The following FTCDNL1 variants were observed in gnomAD, a reference collection of about 807,000 sequenced individuals.
FTCDNL1 encodes formiminotransferase N-terminal subdomain-containing protein.
A neutral mutation model predicts 5.9 loss-of-function variants in FTCDNL1; 11 were observed. That is an observed-to-expected ratio of 1.87 (90% CI 1.18 to 3.10). The LOEUF (loss-of-function observed/expected upper bound fraction) is 3.10. Ranked by LOEUF, FTCDNL1 falls within the 30% of genes most tolerant of loss-of-function variation. The pLI is 0.00. For missense variants in FTCDNL1, 115 were observed against 65.5 expected, an observed-to-expected ratio of 1.76 and a Z score of -2.61; for synonymous variants, 58 against 24.8, an observed-to-expected ratio of 2.34 and a Z score of -3.99.
chr2:199,843,726 CT>C (rs1182470380), intron 3 of FTCDNL1, among the ~76,000 whole-genome samples: 2 of 152,104 alleles, frequency 1.3e-5, no homozygotes, highest in East Asian at 1.9e-4. Flanking sequence ...CCTAAGGCGG[CT>C]TTTTTTCCCC....
At chr2:199,776,978 G>A (rs1379401829) in intron 3 of FTCDNL1, among the ~76,000 whole-genome samples, 2 of 150,610 alleles carry the variant, frequency 1.3e-5, no homozygotes, top group Admixed American at 6.6e-5. Context: ...GTGTGTGTGT[G>A]TGTGTGTGTG....
chr2:199,825,453 G>C (rs1190314391), intron 3 of FTCDNL1, among the ~76,000 whole-genome samples: 1 of 152,160 alleles, frequency 6.6e-6, no homozygotes, highest in Non-Finnish European at 1.5e-5. Flanking sequence ...TGATATAGTT[G>C]GGATGTTTGT....
chr2:199,846,296 G>C (rs2280599), intron 2 of FTCDNL1, 126 bp from the exon 3 acceptor site: 14,879 of 572,398 alleles, frequency 0.026, 578 homozygotes, highest in East Asian at 0.094. Context: ...TTTTGGAAGT[G>C]ACATTGAATA....
the FTCDNL1 span, among the ~76,000 whole-genome samples, chr2:199,741,593 T>C: frequency 6.6e-6 from 1 of 152,180 alleles, no homozygotes; most frequent in Admixed American, 6.5e-5. Context: ...TCATTAACAT[T>C]CTCTAGCTCA....
intron 3 of FTCDNL1, among the ~76,000 whole-genome samples, chr2:199,837,055 T>C (rs559617342): frequency 1.1e-4 from 17 of 152,208 alleles, no homozygotes; most frequent in Non-Finnish European, 2.5e-4. Flanking sequence ...CTGCTGGTCA[T>C]GGAAGATTAA....
intron 3 of FTCDNL1, among the ~76,000 whole-genome samples, chr2:199,821,692 A>G (rs1195560950): frequency 6.8e-6 from 1 of 147,778 alleles, no homozygotes; most frequent in African/African-American, 2.5e-5. Context: ...CAAACTTCTC[A>G]CCTCAAGTGA....
chr2:199,847,723 C>A (rs779284149), intron 2 of FTCDNL1, among the ~76,000 whole-genome samples: 3 of 152,176 alleles, frequency 2.0e-5, no homozygotes, highest in Non-Finnish European at 4.4e-5. Flanking sequence ...GTGTCTTCCA[C>A]AAATGTCTCT....
chr2:199,667,534 C>A, the FTCDNL1 span, among the ~76,000 whole-genome samples: 2 of 152,178 alleles, frequency 1.3e-5, no homozygotes, highest in South Asian at 2.1e-4. Flanking sequence ...TGGTGGCATG[C>A]ACGTAGTGGG....
chr2:199,740,653 A>G, the FTCDNL1 span, among the ~76,000 whole-genome samples: 2 of 152,202 alleles, frequency 1.3e-5, no homozygotes, highest in Non-Finnish European at 2.9e-5. Context: ...TTCATTAGAA[A>G]CAAAGAGTTG....
the FTCDNL1 span, among the ~76,000 whole-genome samples, chr2:199,749,149 C>T: frequency 3.3e-5 from 5 of 152,224 alleles, no homozygotes; most frequent in South Asian, 2.1e-4. Flanking sequence ...TGTCTCCTAA[C>T]GGAAGGGGCA....
chr2:199,703,212 C>T, the FTCDNL1 span, among the ~76,000 whole-genome samples: 1 of 151,886 alleles, frequency 6.6e-6, no homozygotes, highest in Non-Finnish European at 1.5e-5. Context: ...CCCCTGCCCC[C>T]ACCCCACAAC....
At chr2:199,779,462 G>A (rs982195392) in intron 3 of FTCDNL1, among the ~76,000 whole-genome samples, 4 of 152,284 alleles carry the variant, frequency 2.6e-5, no homozygotes, top group East Asian at 3.9e-4. Context: ...ATGGAAGACT[G>A]AAAATAGGAG....
chr2:199,787,878 T>C (rs1410776449), intron 3 of FTCDNL1, among the ~76,000 whole-genome samples: 3 of 152,206 alleles, frequency 2.0e-5, no homozygotes, highest in African/African-American at 7.2e-5. Context: ...CATAAATGTA[T>C]ATGAACACGT....
the FTCDNL1 span, among the ~76,000 whole-genome samples, chr2:199,710,348 T>G: frequency 2.0e-5 from 3 of 152,180 alleles, no homozygotes. Context: ...GTTATGGTGC[T>G]GTTGGTCATG....
the FTCDNL1 span, among the ~76,000 whole-genome samples, chr2:199,701,159 T>C: frequency 1.3e-5 from 2 of 152,100 alleles, no homozygotes; most frequent in Non-Finnish European, 2.9e-5. Flanking sequence ...AGAACAATGT[T>C]AAACTCATGT....
intron 3 of FTCDNL1, among the ~76,000 whole-genome samples, chr2:199,775,219 G>A (rs1175057900): frequency 6.6e-6 from 1 of 152,184 alleles, no homozygotes; most frequent in South Asian, 2.1e-4. Context: ...CCCCTGTTTT[G>A]GAGAACGTTT....
chr2:199,844,875 ATGAG>A lies in FTCDNL1; in HGVS notation c.211+1196_211+1199del, dbSNP rs2076687543. On this transcript the variant is annotated intron_variant, in intron 3 of 4. Transcript: ENST00000420128. ...AAATTCCTTATTTTCAGAATGCCTT[ATGAG>A]TAATTATATTAAAATAGATACACAA... Among the ~76,000 whole-genome samples, 6 of 152,094 alleles carry A rather than the reference ATGAG, an allele frequency of 3.9e-5. 1 individual carries two copies. In the South Asian group the frequency reaches 1.2e-3, roughly 32 times the overall value.
chr2:199,789,817 T>C (rs1462808744), intron 3 of FTCDNL1, among the ~76,000 whole-genome samples: 1 of 152,064 alleles, frequency 6.6e-6, no homozygotes, highest in Non-Finnish European at 1.5e-5. Flanking sequence ...TCCATAGAAG[T>C]ACTTAGAGAT....
At chr2:199,828,086 G>T (rs1010178205) in intron 3 of FTCDNL1, among the ~76,000 whole-genome samples, 22 of 152,026 alleles carry the variant, frequency 1.4e-4, no homozygotes, top group African/African-American at 5.3e-4. Flanking sequence ...TGTTTCTAAT[G>T]ACTGCAATCC....
Sources: allele counts gnomAD v4.1 joint callset (sites outside exome capture counted in the v4.1 genomes callset), GRCh38; gene constraint gnomAD v4.1.1; transcripts MANE v1.5; gene names NCBI Gene and HGNC (gene_info 2026-07-23, HGNC 2026-07-21).